WWOX: variants seen among roughly 807,000 people sequenced by gnomAD.
The protein encoded by WWOX is WW domain containing oxidoreductase, also known as WW domain-containing oxidoreductase.
A neutral mutation model predicts 46.2 loss-of-function variants in WWOX; 69 were observed. That is an observed-to-expected ratio of 1.49 (90% CI 1.23 to 1.82). The LOEUF is 1.82. Ranked by LOEUF, WWOX falls within the 40% of genes most tolerant of loss-of-function variation. The pLI, the probability that WWOX is intolerant of heterozygous loss-of-function variation, is 0.00. For synonymous variants in WWOX, 359 were observed against 202.6 expected, an observed-to-expected ratio of 1.77 and a Z score of -6.56; for missense variants, 919 against 542.6, an observed-to-expected ratio of 1.69 and a Z score of -6.89.
intron 8 of WWOX, among the ~76,000 whole-genome samples, chr16:79,122,603 C>T (rs2049661496): frequency 6.6e-6 from 1 of 151,724 alleles, no homozygotes; most frequent in Admixed American, 6.6e-5. Flanking sequence ...TTTCTTTCCT[C>T]CCTCCCATAC....
chr16:78,881,155 C>A (rs560706554), intron 8 of WWOX, among the ~76,000 whole-genome samples: 1 of 151,816 alleles, frequency 6.6e-6, no homozygotes, highest in African/African-American at 2.4e-5. Context: ...ACCATGCCTG[C>A]CCAATTTTTG....
At chr16:78,522,030 C>T (rs1399157891) in intron 8 of WWOX, among the ~76,000 whole-genome samples, 2 of 151,748 alleles carry the variant, frequency 1.3e-5, no homozygotes, top group Admixed American at 6.6e-5. Flanking sequence ...TGCCATGAAT[C>T]ACTTTGTAGT....
At chr16:78,932,631 G>T (rs1289695435) in intron 8 of WWOX, among the ~76,000 whole-genome samples, 37 of 152,240 alleles carry the variant, frequency 2.4e-4, no homozygotes, top group Admixed American at 2.4e-3. Context: ...CTCCCTGAAA[G>T]AGAAGCCTGC....
At chr16:78,457,819 G>C (rs897612025) in intron 8 of WWOX, among the ~76,000 whole-genome samples, 1 of 150,936 alleles carries the variant, frequency 6.6e-6, no homozygotes, top group East Asian at 1.9e-4. Context: ...GGGAGGCTGA[G>C]GCAGGAGAAT....
rs182071010 is a variant in WWOX, at chr16:78,157,449, A to G, written c.410-6734A>G. Among the ~76,000 whole-genome samples the G allele has an allele frequency of 2.9e-3, 447 of 152,210 alleles. 2 individuals are homozygous for G. Among genetic ancestry groups the G allele is most frequent in the African/African-American group, 0.01 (429 of 41,526 alleles). On this transcript the variant is annotated intron_variant, in intron 4 of 8. Transcript: ENST00000566780. ...GGTAAAAATGAGTAAATTTGAGATTATTGTCGTCTTGCTTTAAAGGTTGGA... is the reference window on the plus strand; with the variant it reads ...GGTAAAAATGAGTAAATTTGAGATTGTTGTCGTCTTGCTTTAAAGGTTGGA...
At chr16:78,783,468 T>C (rs1016048353) in intron 8 of WWOX, among the ~76,000 whole-genome samples, 21 of 152,286 alleles carry the variant, frequency 1.4e-4, no homozygotes, top group East Asian at 1.3e-3. Flanking sequence ...GTAAGCTCTT[T>C]CTGCAAAGGG....
At chr16:78,568,966 C>T (rs1407254893) in intron 8 of WWOX, among the ~76,000 whole-genome samples, 1 of 152,184 alleles carries the variant, frequency 6.6e-6, no homozygotes, top group African/African-American at 2.4e-5. Context: ...GCTATGTAAA[C>T]AGATGAGTAA....
At chr16:78,713,325 C>G (rs969105206) in intron 8 of WWOX, among the ~76,000 whole-genome samples, 2 of 137,242 alleles carry the variant, frequency 1.5e-5, no homozygotes, top group Non-Finnish European at 3.1e-5. Context: ...CCCAAAACTT[C>G]TAGACAGGGC....
At chr16:78,566,399 A>G (rs1425530298) in intron 8 of WWOX, among the ~76,000 whole-genome samples, 3 of 152,208 alleles carry the variant, frequency 2.0e-5, no homozygotes, top group South Asian at 2.1e-4. Context: ...TGGTATCAGA[A>G]CCAGGAGAGG....
intron 8 of WWOX, among the ~76,000 whole-genome samples, chr16:79,030,852 G>T (rs1321072171): frequency 1.3e-5 from 2 of 152,146 alleles, no homozygotes; most frequent in African/African-American, 4.8e-5. Context: ...GGAGGCTGAG[G>T]CAGGAGGATC....
At chr16:78,702,003 A>G (rs1413494180) in intron 8 of WWOX, among the ~76,000 whole-genome samples, 6 of 98,566 alleles carry the variant, frequency 6.1e-5, no homozygotes, top group African/African-American at 2.7e-4. Flanking sequence ...TGGGCTACAT[A>G]AAATTATATA....
At chr16:78,863,853 A>G (rs1208552257) in intron 8 of WWOX, among the ~76,000 whole-genome samples, 2 of 152,152 alleles carry the variant, frequency 1.3e-5, no homozygotes, top group Non-Finnish European at 2.9e-5. Flanking sequence ...CTATTGTACA[A>G]TATATGGTCT....
At chr16:79,177,263 G>A (rs1054468779) in intron 8 of WWOX, among the ~76,000 whole-genome samples, 3 of 152,168 alleles carry the variant, frequency 2.0e-5, no homozygotes, top group Non-Finnish European at 2.9e-5. Context: ...ACTGAAAAGC[G>A]ACTGTCATTT....
chr16:79,176,999 T>C lies in WWOX; in HGVS notation c.1057-34609T>C, dbSNP rs558821790. On this transcript the variant is annotated intron_variant, in intron 8 of 8. Coordinates refer to ENST00000566780, the MANE Select transcript of WWOX (RefSeq NM_016373.4). ...TACAATGAATAGATGTATAATAAAATCTTTTAATTGTCTTAGCATATGTTG... is the reference window on the plus strand; with the variant it reads ...TACAATGAATAGATGTATAATAAAACCTTTTAATTGTCTTAGCATATGTTG... Among the ~76,000 whole-genome samples, 6 of 152,282 alleles carry C rather than the reference T, an allele frequency of 3.9e-5. No homozygotes were observed. In the East Asian group the frequency reaches 1.2e-3, roughly 29 times the overall value.
intron 8 of WWOX, among the ~76,000 whole-genome samples, chr16:79,018,908 T>C (rs1470631621): frequency 6.6e-6 from 1 of 151,834 alleles, no homozygotes; most frequent in Non-Finnish European, 1.5e-5. Flanking sequence ...CCCAACACTT[T>C]GGGAGGATAA....
intron 8 of WWOX, among the ~76,000 whole-genome samples, chr16:79,062,987 G>T (rs1006229503): frequency 3.9e-4 from 59 of 152,322 alleles, no homozygotes; most frequent in African/African-American, 1.4e-3. Flanking sequence ...CAGATGCCGA[G>T]GATATTTTTA....
chr16:78,680,680 G>C (rs2047708796), intron 8 of WWOX, among the ~76,000 whole-genome samples: 1 of 152,188 alleles, frequency 6.6e-6, no homozygotes, highest in Non-Finnish European at 1.5e-5. Context: ...TAAACATCCG[G>C]ACACATCTAG....
chr16:78,853,751 A>G (rs1310900252), intron 8 of WWOX, among the ~76,000 whole-genome samples: 1 of 152,126 alleles, frequency 6.6e-6, no homozygotes, highest in Non-Finnish European at 1.5e-5. Context: ...GCTTGTAAGC[A>G]TGTATCTACA....
At chr16:78,527,587 C>A (rs778391935) in intron 8 of WWOX, among the ~76,000 whole-genome samples, 42 of 152,158 alleles carry the variant, frequency 2.8e-4, no homozygotes, top group Non-Finnish European at 5.6e-4. Context: ...AGCCATCGCG[C>A]CCAGCCAGAC....
Sources: allele counts gnomAD v4.1 joint callset (sites outside exome capture counted in the v4.1 genomes callset), GRCh38; gene constraint gnomAD v4.1.1; transcripts MANE v1.5; gene names NCBI Gene and HGNC (gene_info 2026-07-23, HGNC 2026-07-21).